The following KCNN2 variants were observed in gnomAD, a reference collection of about 807,000 sequenced individuals.
The protein encoded by KCNN2 is small conductance calcium-activated potassium channel protein 2.
In KCNN2, 24 loss-of-function variants were observed where a neutral mutation model predicts 55.5. The ratio of observed to expected loss-of-function variants is 0.43; its 90% CI spans 0.31 to 0.61. KCNN2 has a LOEUF of 0.61. Among genes scored for constraint, KCNN2 ranks in the 20% least tolerant of loss-of-function variants. The probability of loss-of-function intolerance (pLI) is 0.08; values close to 1 mark genes in which losing one functional copy is unlikely to be tolerated. For synonymous variants in KCNN2, 431 were observed against 336.1 expected (o/e 1.28, Z -3.09); for missense variants, 754 against 853.6 (o/e 0.88, Z 1.45).
rs913025745 is a variant in KCNN2 at position 114,325,918 on chromosome 5, A to G, written c.-184-35027A>G. On this transcript the variant is annotated intron_variant, in intron 2 of 10. Coordinates refer to the KCNN2 transcript ENST00000512097. ...CTTAGGGCAGTACTATATACATCAA[A>G]TGTTGTCTAATACTTCCAGTGGGGT... 3.3e-5 allele frequency among the ~76,000 whole-genome samples: 5 copies of G among 152,146 alleles called. No homozygotes were observed. In the South Asian group the frequency reaches 8.3e-4, roughly 25 times the overall value.
chr5:114,136,928 C>A (rs1752185181), intron 1 of KCNN2, among the ~76,000 whole-genome samples: 1 of 152,174 alleles, frequency 6.6e-6, no homozygotes, highest in Admixed American at 6.5e-5. Flanking sequence ...AATAATTTCT[C>A]AAAGTCACAC....
rs558037183 is a variant in KCNN2 at position 114,139,994 on chromosome 5, G to T, written c.-270-81486G>T. ...TTCTATTAAGAAAGATATTAGATTT[G>T]CAAAATATGTGAAACAATGACACTC... On this transcript the variant is annotated intron_variant, in intron 1 of 10. Coordinates refer to the KCNN2 transcript ENST00000512097. 1.8e-4 allele frequency among the ~76,000 whole-genome samples: 28 copies of T among 151,848 alleles called. No individual in the cohort carries two copies. In the South Asian group the frequency reaches 4.8e-3, roughly 26 times the overall value.
chr5:114,177,960 T>TA lies in KCNN2; in HGVS notation c.-270-43519dup, dbSNP rs1753168729. Among the ~76,000 whole-genome samples, 3 of 152,322 alleles carry TA rather than the reference T, an allele frequency of 2.0e-5. No homozygotes were observed. The East Asian group carries it at 5.8e-4, about 29-fold the overall frequency. On this transcript the variant is annotated intron_variant, in intron 1 of 10. Transcript: ENST00000512097. ...AAGACCCAAATTCAGAAACCTGTGT[T>TA]ACGCCTGTCTTAAGTTTGAGTGCCT...
chr5:114,476,550 C>G (rs1188691947), intron 5 of KCNN2, among the ~76,000 whole-genome samples: 1 of 151,764 alleles, frequency 6.6e-6, no homozygotes, highest in Non-Finnish European at 1.5e-5. Flanking sequence ...CCCCAAATAG[C>G]TGGGATTACA....
intron 2 of KCNN2, among the ~76,000 whole-genome samples, chr5:114,371,690 G>C (rs1223423835): frequency 6.6e-6 from 1 of 152,130 alleles, no homozygotes; most frequent in East Asian, 1.9e-4. Context: ...TTTAACATTA[G>C]ATCCATTTAA....
chr5:114,364,465 A>G (rs1316262399), intron 2 of KCNN2, among the ~76,000 whole-genome samples: 1 of 152,168 alleles, frequency 6.6e-6, no homozygotes, highest in Non-Finnish European at 1.5e-5. Flanking sequence ...TAATTTATAT[A>G]AATGAGATAT....
chr5:114,449,632 C>G (rs1181789032), intron 3 of KCNN2, among the ~76,000 whole-genome samples: 1 of 152,160 alleles, frequency 6.6e-6, no homozygotes, highest in Non-Finnish European at 1.5e-5. Flanking sequence ...GAACCCAGCT[C>G]AGTTCCTCCT....
intron 1 of KCNN2, among the ~76,000 whole-genome samples, chr5:114,156,445 A>G (rs1752637565): frequency 6.6e-6 from 1 of 152,104 alleles, no homozygotes; most frequent in African/African-American, 2.4e-5. Context: ...TAATGGGAGT[A>G]GCACTGAATC....
intron 1 of KCNN2, among the ~76,000 whole-genome samples, chr5:114,092,327 A>G (rs1443662707): frequency 6.6e-6 from 1 of 152,204 alleles, no homozygotes; most frequent in Non-Finnish European, 1.5e-5. Flanking sequence ...ATGCTGATAC[A>G]AGAGGTGGGC....
In KCNN2 at chr5:114,363,839, C is replaced by T. The variant is rs1757524783; in HGVS notation, c.1123-67C>T. The T allele has an allele frequency of 9.7e-6, 11 of 1,132,558 alleles. No individual in the cohort carries two copies. The South Asian group carries it at 1.4e-4, about 14-fold the overall frequency. The allele number at this position is 1,132,558 out of a possible 1,614,324, so 70.2% of individuals were successfully genotyped here. ...TCCACCTGTGGGGGACTGACTGACT[C>T]TGGGGACGTGGAAGGCGGTTAAAAG... On this transcript the variant is annotated intron_variant, in intron 1 of 7. Coordinates refer to ENST00000673685, the MANE Select transcript of KCNN2 (RefSeq NM_021614.4).
chr5:114,455,026 T>G (rs994648845), intron 3 of KCNN2, among the ~76,000 whole-genome samples: 1 of 152,232 alleles, frequency 6.6e-6, no homozygotes, highest in African/African-American at 2.4e-5. Context: ...TTGGGATTTT[T>G]TTTAATATTC....
intron 1 of KCNN2, among the ~76,000 whole-genome samples, chr5:114,212,488 A>C (rs1175145726): frequency 6.6e-6 from 1 of 152,104 alleles, no homozygotes; most frequent in South Asian, 2.1e-4. Flanking sequence ...GAATGTACTA[A>C]AAACTAATTA....
chr5:114,112,041 C>A (rs1055760690), intron 1 of KCNN2, among the ~76,000 whole-genome samples: 3 of 152,134 alleles, frequency 2.0e-5, no homozygotes, highest in Non-Finnish European at 4.4e-5. Flanking sequence ...ATGTTTATTG[C>A]AGCACTATTC....
intron 1 of KCNN2, among the ~76,000 whole-genome samples, chr5:114,212,902 A>G (rs1292936726): frequency 6.6e-6 from 1 of 152,046 alleles, no homozygotes; most frequent in East Asian, 1.9e-4. Flanking sequence ...GAATGTTTTT[A>G]TAGTAGCATG....
At chr5:114,239,083 T>C (rs551236888) in intron 2 of KCNN2, among the ~76,000 whole-genome samples, 1 of 152,274 alleles carries the variant, frequency 6.6e-6, no homozygotes, top group Non-Finnish European at 1.5e-5. Flanking sequence ...AGCAATTAAA[T>C]CATTTTGGGA....
intron 2 of KCNN2, among the ~76,000 whole-genome samples, chr5:114,328,947 T>G (rs556766222): frequency 6.6e-6 from 1 of 152,302 alleles, no homozygotes; most frequent in South Asian, 2.1e-4. Context: ...TCTACAATCC[T>G]TAATTATGTT....
chr5:114,406,997 G>T (rs1758956460), intron 3 of KCNN2, among the ~76,000 whole-genome samples: 1 of 151,964 alleles, frequency 6.6e-6, no homozygotes, highest in Non-Finnish European at 1.5e-5. Flanking sequence ...TTTTCTTCTG[G>T]TATTCAGGGT....
intron 1 of KCNN2, among the ~76,000 whole-genome samples, chr5:114,221,337 A>C (rs1019005650): frequency 6.6e-6 from 1 of 152,190 alleles, no homozygotes; most frequent in African/African-American, 2.4e-5. Flanking sequence ...TATTACTGAC[A>C]ATATATGCTA....
chr5:114,253,267 C>A lies in KCNN2; in HGVS notation c.-185+31702C>A, dbSNP rs117169614. Among the ~76,000 whole-genome samples the A allele has an allele frequency of 1.3e-3, 197 of 151,526 alleles. 5 individuals are homozygous for A. The East Asian group carries it at 0.034, about 26-fold the overall frequency. On this transcript the variant is annotated intron_variant, in intron 2 of 10. Transcript: ENST00000512097. Reference sequence around the variant, plus strand: ...ATAAAACAGAACTAGAATTAATAATCTGAAGGGAGAGGAGGCTACCTTATG... The same window carrying A: ...ATAAAACAGAACTAGAATTAATAATATGAAGGGAGAGGAGGCTACCTTATG...
Sources: gnomAD v4.1 joint callset for allele counts (sites outside exome capture counted in the v4.1 genomes callset) on GRCh38, gnomAD v4.1.1 for gene constraint, MANE v1.5 for transcripts, NCBI Gene and HGNC (gene_info 2026-07-23, HGNC 2026-07-21) for gene names.